The following ABCC10 variants were observed in gnomAD, a reference collection of about 807,000 sequenced individuals.
ABCC10 encodes ATP-binding cassette sub-family C member 10.
In ABCC10, 110 loss-of-function variants were observed where a neutral mutation model predicts 143.2. The observed-to-expected ratio is 0.77, with a 90% CI of 0.66 to 0.90. The LOEUF is 0.90. ABCC10 is among the 40% of genes least tolerant of loss of function. The pLI, the probability that ABCC10 is intolerant of heterozygous loss-of-function variation, is 0.00. For missense variants in ABCC10, 1,700 were observed against 1,900.5 expected (o/e 0.89, Z 1.96); for synonymous variants, 805 against 846.7 (o/e 0.95, Z 0.85).
In ABCC10 at chr6:43,450,204, TC is replaced by T; in HGVS notation, c.*117del. ...CTCTGGGGCTCTACCTCTCCACACT[TC>T]CCCAGAAGGGAAAAGGGCACCCTGG... On this transcript the variant is annotated 3_prime_UTR_variant, in exon 22 of 22. Transcript: ENST00000372530. The surrounding 1 kb of genome is among the most constrained non-coding windows in gnomAD (Gnocchi z 4.5). 1 of 1,314,186 alleles carries T rather than the reference TC, an allele frequency of 7.6e-7. No individual in the cohort carries two copies. Among genetic ancestry groups the T allele is most frequent in the Non-Finnish European group, 1.0e-6 (1 of 959,828 alleles). The allele number at this position is 1,314,186 out of a possible 1,614,324, so 81.4% of individuals were successfully genotyped here.
At chr6:43,450,864 C>T (rs2127418747), downstream of ABCC10, 12 of 1,614,172 alleles carry the variant, frequency 7.4e-6, no homozygotes, top group South Asian at 3.3e-5. The surrounding 1 kb of genome is among the most constrained non-coding windows in gnomAD (Gnocchi z 4.5). Flanking sequence ...GGGGGCTGGC[C>T]CCGTGGCAGG....
intron 20 of ABCC10, 50 bp downstream of exon 20, chr6:43,449,254 G>A (rs1581799318): frequency 6.3e-7 from 1 of 1,597,352 alleles, no homozygotes; most frequent in Non-Finnish European, 8.6e-7. Flanking sequence ...AAGGCTGGGG[G>A]CCGGGAGGTG....
Position 43,450,173 on chromosome 6 carries a change from A to G in ABCC10, c.*82A>G. On this transcript the variant is annotated 3_prime_UTR_variant, in exon 22 of 22. Transcript: ENST00000372530. This position sits in a 1 kb window ranked among gnomAD's most constrained non-coding sequence, Gnocchi z 4.5. ...ACAGAGGTGCTGGCTGCTTGTTTACATTCTCCTCTGGGGCTCTACCTCTCC... is the reference window on the plus strand; with the variant it reads ...ACAGAGGTGCTGGCTGCTTGTTTACGTTCTCCTCTGGGGCTCTACCTCTCC... 1 of 1,456,752 alleles carries G rather than the reference A, an allele frequency of 6.9e-7. No individual in the cohort carries two copies. Among genetic ancestry groups the G allele is most frequent in the Non-Finnish European group, 9.3e-7 (1 of 1,078,574 alleles). The allele number at this position is 1,456,752 out of a possible 1,614,324, so 90.2% of individuals were successfully genotyped here. A position where few individuals can be genotyped will look rare whatever the true frequency, so the allele number is the denominator to read the frequency against.
chr6:43,440,927 A>C (rs367933077), intron 8 of ABCC10, among the ~76,000 whole-genome samples: 19,384 of 150,330 alleles, frequency 0.13, 1,335 homozygotes, highest in Non-Finnish European at 0.15. Flanking sequence ...ACAAAAAAAA[A>C]AAACAAACAA....
intron 18 of ABCC10, 149 bp downstream of exon 18, chr6:43,448,086 C>T (rs1230019954): frequency 8.0e-7 from 1 of 1,257,598 alleles, no homozygotes; most frequent in Non-Finnish European, 1.1e-6. Flanking sequence ...CAGGCAAGGA[C>T]AGCGAACTCC....
rs1437778338 is a variant in ABCC10 at position 43,445,663 on chromosome 6, T to A, written c.3095T>A (p.Val1032Glu). The A allele has an allele frequency of 6.2e-7, 1 of 1,614,212 alleles. No homozygotes were observed. Among genetic ancestry groups the A allele is most frequent in the South Asian group, 1.1e-5 (1 of 91,086 alleles). ...ATCCTAAACCGCTTCTCCTCTGATG[T>A]GGCCTGTGCGGATGACAGCCTGCCC... Reference protein sequence around the residue: ...GRILNRFSSDVACADDSLPFI... With the variant: ...GRILNRFSSDEACADDSLPFI... The change falls in exon 15 of 22, where the codon GTG (valine) becomes GAG (glutamate). Residue 1032 changes from valine (V) to glutamate (E), a missense_variant. Physicochemically the swap from Val to Glu is moderately radical, Grantham distance 121 (BLOSUM62 -2). Coordinates refer to ENST00000372530, the MANE Select transcript of ABCC10 (RefSeq NM_001198934.2).
chr6:43,450,670 G>C (rs556577670), downstream of ABCC10: 1 of 1,613,830 alleles, frequency 6.2e-7, no homozygotes, highest in Non-Finnish European at 8.5e-7. The surrounding 1 kb of genome is among the most constrained non-coding windows in gnomAD (Gnocchi z 4.5). Context: ...TAGCAACAGG[G>C]TCCAGGGGGG....
chr6:43,427,683 C>T lies in ABCC10; in HGVS notation c.-86C>T. 1 of 520,004 alleles carries T rather than the reference C, an allele frequency of 1.9e-6. No homozygotes were observed. The highest frequency in any genetic ancestry group is 3.5e-6 in the Non-Finnish European group (1 of 285,196). The allele number at this position is 520,004 out of a possible 1,614,324, so 32.2% of individuals were successfully genotyped here. A position where few individuals can be genotyped will look rare whatever the true frequency, so the allele number is the denominator to read the frequency against. Reference sequence around the variant, plus strand: ...GTTCTCAGGATATCGGAATCCGGTGCACAGCAGCTTCTTCAGGTTTGAGGT... The same window carrying T: ...GTTCTCAGGATATCGGAATCCGGTGTACAGCAGCTTCTTCAGGTTTGAGGT... On this transcript the variant is annotated 5_prime_UTR_variant, in exon 1 of 22. Transcript: ENST00000372530.
At chr6:43,445,070 G>A in intron 13 of ABCC10, 55 bp from the exon 14 acceptor site, 3 of 1,598,826 alleles carry the variant, frequency 1.9e-6, no homozygotes, top group Non-Finnish European at 2.6e-6. Flanking sequence ...GGAGGAGAAA[G>A]GACCCCCGAG....
downstream of ABCC10, chr6:43,451,963 C>T (rs749652048): frequency 6.8e-6 from 11 of 1,614,218 alleles, no homozygotes; most frequent in Admixed American, 1.7e-5. The surrounding 1 kb of genome is among the most constrained non-coding windows in gnomAD (Gnocchi z 4.4). Context: ...AGGGTCCAGC[C>T]TTGCGCTCGC....
In ABCC10 at chr6:43,434,691, G is replaced by C; in HGVS notation, c.1451G>C (p.Arg484Pro). 1 of 1,614,182 alleles carries C rather than the reference G, an allele frequency of 6.2e-7. No homozygotes were observed. Among genetic ancestry groups the C allele is most frequent in the Non-Finnish European group, 8.5e-7 (1 of 1,180,030 alleles). Residue 484 changes from arginine to proline, a missense_variant, in exon 4 of 22, where the codon CGA (arginine) becomes CCA (proline). Physicochemically the swap from Arg to Pro is moderately radical, Grantham distance 103 (BLOSUM62 -2). Transcript: ENST00000372530. ...FCGWEQALGA[R>P]VEACRARELG... is the part of the protein sequence containing the mutation. ...GGGTGGGAGCAGGCACTGGGAGCCCGAGTAGAGGCCTGCCGGGCTCGAGAG... is the reference window on the plus strand; with the variant it reads ...GGGTGGGAGCAGGCACTGGGAGCCCCAGTAGAGGCCTGCCGGGCTCGAGAG...
At chr6:43,447,959 G>A in intron 18 of ABCC10, 22 bp downstream of exon 18, 4 of 1,609,658 alleles carry the variant, frequency 2.5e-6, no homozygotes, top group Non-Finnish European at 3.4e-6. Flanking sequence ...ATGGACTTGG[G>A]AGGGGAAGGG....
chr6:43,437,797 T>G, intron 6 of ABCC10, 137 bp from the exon 7 acceptor site: 1 of 807,466 alleles, frequency 1.2e-6, no homozygotes, highest in Non-Finnish European at 2.0e-6. Flanking sequence ...CGGAGAATTC[T>G]TTCCCTACAC....
In ABCC10 at chr6:43,444,760, C is replaced by T. The variant is rs191134045; in HGVS notation, c.2690-28C>T. The T allele has an allele frequency of 3.5e-3, 5,488 of 1,557,436 alleles. 22 individuals are homozygous for T. Among genetic ancestry groups the T allele is most frequent in the Non-Finnish European group, 3.5e-3 (4,006 of 1,154,188 alleles). On this transcript the variant is annotated intron_variant, in intron 12 of 21. Coordinates refer to ENST00000372530, the MANE Select transcript of ABCC10 (RefSeq NM_001198934.2). ...ATGAACAAGGGAGAGGAGCCTCTTA[C>T]AGCTTTTTCCTTCCTGTCCCCACCC...
At chr6:43,451,235 C>G (rs1581810963), downstream of ABCC10, 1 of 1,614,126 alleles carries the variant, frequency 6.2e-7, no homozygotes. This position sits in a 1 kb window ranked among gnomAD's most constrained non-coding sequence, Gnocchi z 4.4. Flanking sequence ...GAGCAAAGCC[C>G]TGGTCGTCCT....
intron 2 of ABCC10, chr6:43,431,806 C>A: frequency 8.8e-7 from 1 of 1,131,882 alleles, no homozygotes; most frequent in Non-Finnish European, 1.1e-6. Flanking sequence ...TTTTTTTTTC[C>A]TAGTTAGTCT....
chr6:43,433,136 A>C lies in ABCC10; in HGVS notation c.1156A>C (p.Thr386Pro), dbSNP rs1323291348. 6.2e-7 allele frequency: 1 copy of C among 1,613,986 alleles called. No homozygotes were observed. Among genetic ancestry groups the C allele is most frequent in the African/African-American group, 1.3e-5 (1 of 74,922 alleles). ...TGGGGAGGCCCTGAACCTACTAGGC[A>C]CTGACTCTGAACGGCTGCTTAACTT... ...PTGEALNLLG[T>P]DSERLLNFAG... The change falls in exon 3 of 22, where the codon ACT (threonine) becomes CCT (proline). Residue 386 changes from threonine (T) to proline (P), a missense_variant. By Grantham distance (38) the Thr-to-Pro change is conservative. Coordinates refer to ENST00000372530, the MANE Select transcript of ABCC10 (RefSeq NM_001198934.2).
chr6:43,436,802 G>A (rs374127123), intron 6 of ABCC10, among the ~76,000 whole-genome samples: 77 of 152,246 alleles, frequency 5.1e-4, no homozygotes, highest in African/African-American at 1.6e-3. Context: ...AGCTCAACCC[G>A]GCATTCTCTG....
chr6:43,438,019 C>T lies in ABCC10; in HGVS notation c.1955+6C>T. On this transcript the variant is annotated splice_donor_region_variant and intron_variant, in intron 7 of 21. Coordinates refer to ENST00000372530, the MANE Select transcript of ABCC10 (RefSeq NM_001198934.2). ...ATCGCTGGAGAGCTCCACAGGTAAC[C>T]AACCTCCTATGCACCCCTGTCCTTA... is the stretch of plus-strand genomic sequence containing the variant. The T allele has an allele frequency of 3.1e-6, 5 of 1,610,878 alleles. No homozygotes were observed. The highest frequency in any genetic ancestry group is 1.7e-5 in the Admixed American group (1 of 59,622).
Sources: allele counts gnomAD v4.1 joint callset (sites outside exome capture counted in the v4.1 genomes callset), GRCh38; gene constraint gnomAD v4.1.1; non-coding constraint Gnocchi (gnomAD v3.1); transcripts MANE v1.5; gene names NCBI Gene and HGNC (gene_info 2026-07-23, HGNC 2026-07-21).